NAGS: variants seen among roughly 807,000 people sequenced by gnomAD.
NAGS encodes N-acetylglutamate synthase, also known as N-acetylglutamate synthase, mitochondrial.
Under a neutral mutation model 46.9 loss-of-function variants are expected in NAGS, and 34 were observed. The ratio of observed to expected loss-of-function variants is 0.72; its 90% CI spans 0.55 to 0.97. NAGS has a LOEUF of 0.97. NAGS is among the 50% of genes least tolerant of loss of function. The pLI is 0.00. For synonymous variants in NAGS, 334 were observed against 346.3 expected (o/e 0.96, Z 0.39); for missense variants, 665 against 747.0 (o/e 0.89, Z 1.28).
chr17:44,007,871 C>G lies in NAGS; in HGVS notation c.1451+98C>G. 8.0e-7 allele frequency: 1 copy of G among 1,250,094 alleles called. No homozygotes were observed. Among genetic ancestry groups the G allele is most frequent in the East Asian group, 2.5e-5 (1 of 39,490 alleles). The allele number at this position is 1,250,094 out of a possible 1,614,324, so 77.4% of individuals were successfully genotyped here. On this transcript the variant is annotated intron_variant, in intron 6 of 6. Coordinates refer to ENST00000293404, the MANE Select transcript of NAGS (RefSeq NM_153006.3). The surrounding 1 kb of genome is among the most constrained non-coding windows in gnomAD (Gnocchi z 5.1). ...CAAGAAGGCTGGGCTTCCTCTTCTT[C>G]CACTGGTCTCCCTTTCACTACCTCC...
rs1159355943 is a variant in NAGS, at chr17:44,006,801, CT to C, written c.1096+93del. 1 of 1,369,784 alleles carries C rather than the reference CT, an allele frequency of 7.3e-7. No individual in the cohort carries two copies. Among genetic ancestry groups the C allele is most frequent in the Non-Finnish European group, 9.9e-7 (1 of 1,013,128 alleles). The allele number at this position is 1,369,784 out of a possible 1,614,324, so 84.9% of individuals were successfully genotyped here. A position where few individuals can be genotyped will look rare whatever the true frequency, so the allele number is the denominator to read the frequency against. On this transcript the variant is annotated intron_variant, in intron 4 of 6. Transcript: ENST00000293404. This position sits in a 1 kb window ranked among gnomAD's most constrained non-coding sequence, Gnocchi z 4.8. ...CGGTCAGGAGGAGCGGCTTCTCCTC[CT>C]GTCCAGGAGCCGTAGGGGGAGGCGG... is the stretch of plus-strand genomic sequence containing the variant.
In NAGS at chr17:44,007,331, A is replaced by G; in HGVS notation, c.1105A>G (p.Thr369Ala). The change falls in exon 5 of 7, where the codon ACC (threonine) becomes GCC (alanine). Residue 369 changes from threonine to alanine, a missense_variant. Coordinates refer to ENST00000293404, the MANE Select transcript of NAGS (RefSeq NM_153006.3). This position sits in a 1 kb window ranked among gnomAD's most constrained non-coding sequence, Gnocchi z 5.1. ...TELFSNKGSGTLFKNAERMLR... is the reference protein window; with the variant it reads ...TELFSNKGSGALFKNAERMLR... ...TCCCCATCCTCCTCCAGGGTCCGGG[A>G]CCCTGTTCAAGAACGCCGAGCGAAT... 6.2e-7 allele frequency: 1 copy of G among 1,613,592 alleles called. No individual in the cohort carries two copies. The highest frequency in any genetic ancestry group is 8.5e-7 in the Non-Finnish European group (1 of 1,179,826).
Position 44,006,947 on chromosome 17 carries a change from G to C in NAGS, c.1096+238G>C. ...TAAAGGAATGGGCGGGACTAGGGGG[G>C]AGAAGGAGGGGCCCCCCGGTGGGCG... On this transcript the variant is annotated intron_variant, in intron 4 of 6. Transcript: ENST00000293404. The surrounding 1 kb of genome is among the most constrained non-coding windows in gnomAD (Gnocchi z 4.8). 2.3e-6 allele frequency: 1 copy of C among 441,710 alleles called. No homozygotes were observed. 27.4% of individuals were successfully genotyped at this position (441,710 alleles called of 1,614,324 possible).
Position 44,004,992 on chromosome 17 carries a change from T to C in NAGS, c.329T>C (p.Leu110Pro). 1 of 1,547,944 alleles carries C rather than the reference T, an allele frequency of 6.5e-7. No homozygotes were observed. The highest frequency in any genetic ancestry group is 8.7e-7 in the Non-Finnish European group (1 of 1,152,632). Residue 110 changes from leucine to proline, a missense_variant, in exon 1 of 7, where the codon CTG becomes CCG. Leu to Pro is a moderately conservative substitution (Grantham distance 98). Coordinates refer to ENST00000293404, the MANE Select transcript of NAGS (RefSeq NM_153006.3). Reference protein sequence around the residue: ...SLVQRDIQAFLNQCGASPGEA... With the variant: ...SLVQRDIQAFPNQCGASPGEA... Reference sequence around the variant, plus strand: ...GTGCAGCGGGACATCCAGGCCTTCCTGAACCAGTGCGGGGCCAGCCCTGGG... The same window carrying C: ...GTGCAGCGGGACATCCAGGCCTTCCCGAACCAGTGCGGGGCCAGCCCTGGG...
chr17:44,005,411 C>T lies in NAGS; in HGVS notation c.427-226C>T, dbSNP rs542138782. ...CACTGCCCCTCCCCCAAAGATGTCC[C>T]GGAGTCCAAGGTCGGAGGGAGGAGG... On this transcript the variant is annotated intron_variant, in intron 1 of 6. Transcript: ENST00000293404. The surrounding 1 kb of genome is among the most constrained non-coding windows in gnomAD (Gnocchi z 7.2). Among the ~76,000 whole-genome samples the T allele has an allele frequency of 3.1e-4, 47 of 152,316 alleles. 1 individual carries two copies. The highest frequency in any genetic ancestry group is 1.1e-3 in the African/African-American group (46 of 41,568).
chr17:44,006,305 C>G lies in NAGS; in HGVS notation c.915+68C>G. 6.4e-7 allele frequency: 1 copy of G among 1,563,978 alleles called. No individual in the cohort carries two copies. The highest frequency in any genetic ancestry group is 8.7e-7 in the Non-Finnish European group (1 of 1,149,600). On this transcript the variant is annotated intron_variant, in intron 3 of 6. Transcript: ENST00000293404. This position sits in a 1 kb window ranked among gnomAD's most constrained non-coding sequence, Gnocchi z 4.8. ...GCCTTCTCTTGCGCCCCTCGCACTT[C>G]TCCCCGACGGGCCGCAGACTCACTA...
chr17:44,007,802 T>G lies in NAGS; in HGVS notation c.1451+29T>G. On this transcript the variant is annotated intron_variant, in intron 6 of 6. Coordinates refer to ENST00000293404, the MANE Select transcript of NAGS (RefSeq NM_153006.3). This position sits in a 1 kb window ranked among gnomAD's most constrained non-coding sequence, Gnocchi z 5.1. ...GGTCCTGCCACTCCCAGCTCTGGGC[T>G]GGGCCCTGACTTCCCTCCCCTCTCC... is the stretch of plus-strand genomic sequence containing the variant. 1 of 1,566,354 alleles carries G rather than the reference T, an allele frequency of 6.4e-7. No homozygotes were observed. Among genetic ancestry groups the G allele is most frequent in the Non-Finnish European group, 8.7e-7 (1 of 1,153,908 alleles).
chr17:44,005,022 C>T lies in NAGS; in HGVS notation c.359C>T (p.Ala120Val), dbSNP rs750049954. 1.3e-6 allele frequency: 2 copies of T among 1,563,732 alleles called. No individual in the cohort carries two copies. The highest frequency in any genetic ancestry group is 2.4e-5 in the East Asian group (1 of 42,530). ...CAGTGCGGGGCCAGCCCTGGGGAGGCGCGCCACTGGCTCACGCAGTTCCAG... is the reference window on the plus strand; with the variant it reads ...CAGTGCGGGGCCAGCCCTGGGGAGGTGCGCCACTGGCTCACGCAGTTCCAG... The part of the protein sequence containing the change: ...LNQCGASPGE[A>V]RHWLTQFQTC... The change falls in exon 1 of 7, where the codon GCG (alanine) becomes GTG (valine). Residue 120 changes from alanine to valine, a missense_variant. Coordinates refer to ENST00000293404, the MANE Select transcript of NAGS (RefSeq NM_153006.3). This position sits in a 1 kb window ranked among gnomAD's most constrained non-coding sequence, Gnocchi z 7.2.
chr17:44,006,930 T>C lies in NAGS; in HGVS notation c.1096+221T>C, dbSNP rs1305586156. 9.0e-6 allele frequency: 2 copies of C among 222,106 alleles called. No homozygotes were observed. Among genetic ancestry groups the C allele is most frequent in the Non-Finnish European group, 8.3e-6 (1 of 120,054 alleles). 13.8% of individuals were successfully genotyped at this position (222,106 alleles called of 1,614,324 possible). ...GGGAACTCCGAAGGAATTAAAGGAA[T>C]GGGCGGGACTAGGGGGGAGAAGGAG... On this transcript the variant is annotated intron_variant, in intron 4 of 6. Coordinates refer to ENST00000293404, the MANE Select transcript of NAGS (RefSeq NM_153006.3). This position sits in a 1 kb window ranked among gnomAD's most constrained non-coding sequence, Gnocchi z 4.8.
Position 44,006,267 on chromosome 17 carries a change from G to A in NAGS, c.915+30G>A. On this transcript the variant is annotated intron_variant, in intron 3 of 6. Coordinates refer to ENST00000293404, the MANE Select transcript of NAGS (RefSeq NM_153006.3). This position sits in a 1 kb window ranked among gnomAD's most constrained non-coding sequence, Gnocchi z 4.8. ...GGCCCTTTCTTTCACCTTCCCCCACGCCGGCGATCCGGGCCTTCTCTTGCG... is the reference window on the plus strand; with the variant it reads ...GGCCCTTTCTTTCACCTTCCCCCACACCGGCGATCCGGGCCTTCTCTTGCG... 1.2e-6 allele frequency: 2 copies of A among 1,608,394 alleles called. No homozygotes were observed. The highest frequency in any genetic ancestry group is 1.7e-4 in the Middle Eastern group (1 of 6,028).
Position 44,007,327 on chromosome 17 carries a change from C to A in NAGS, c.1101C>A (p.Ser367=). 1.2e-6 allele frequency: 2 copies of A among 1,613,262 alleles called. No homozygotes were observed. Among genetic ancestry groups the A allele is most frequent in the South Asian group, 2.2e-5 (2 of 90,998 alleles). ...LLTELFSNKG[S]GTLFKNAERM... ...CCCCTCCCCATCCTCCTCCAGGGTC[C>A]GGGACCCTGTTCAAGAACGCCGAGC... The change falls in exon 5 of 7, where the codon TCC becomes TCA. Residue 367 remains serine, a synonymous_variant. Coordinates refer to ENST00000293404, the MANE Select transcript of NAGS (RefSeq NM_153006.3). The surrounding 1 kb of genome is among the most constrained non-coding windows in gnomAD (Gnocchi z 5.1).
chr17:44,007,857 G>T lies in NAGS; in HGVS notation c.1451+84G>T. Reference sequence around the variant, plus strand: ...CTTGCCAACCATGCCAAGAAGGCTGGGCTTCCTCTTCTTCCACTGGTCTCC... The same window carrying T: ...CTTGCCAACCATGCCAAGAAGGCTGTGCTTCCTCTTCTTCCACTGGTCTCC... On this transcript the variant is annotated intron_variant, in intron 6 of 6. Transcript: ENST00000293404. The surrounding 1 kb of genome is among the most constrained non-coding windows in gnomAD (Gnocchi z 5.1). 7.1e-7 allele frequency: 1 copy of T among 1,407,638 alleles called. No homozygotes were observed. The highest frequency in any genetic ancestry group is 9.8e-7 in the Non-Finnish European group (1 of 1,017,176). 87.2% of individuals were successfully genotyped at this position (1,407,638 alleles called of 1,614,324 possible). A position where few individuals can be genotyped will look rare whatever the true frequency, so the allele number is the denominator to read the frequency against.
rs2049064323 is a variant in NAGS at position 44,004,906 on chromosome 17, G to A, written c.243G>A (p.Val81=). The stretch of plus-strand genomic sequence containing the variant: ...CCGTCGCCGAGGAGCCGTCGTGGGT[G>A]CCGAGTCCCAGGCCCCCGGTGCCCC... ...QSPVAEEPSW[V]PSPRPPVPHE... Residue 81 remains valine, a synonymous_variant, in exon 1 of 7, where the codon GTG becomes GTA. Transcript: ENST00000293404. 1 of 1,534,324 alleles carries A rather than the reference G, an allele frequency of 6.5e-7. No individual in the cohort carries two copies. The highest frequency in any genetic ancestry group is 8.7e-7 in the Non-Finnish European group (1 of 1,146,220).
Position 44,005,095 on chromosome 17 carries a change from C to A in NAGS, c.426+6C>A. ...AGCCCTTCGCCGTCATCGAGGTGAGCGGAGCCCGGCGTGGGCCGTGACGCA... is the reference window on the plus strand; with the variant it reads ...AGCCCTTCGCCGTCATCGAGGTGAGAGGAGCCCGGCGTGGGCCGTGACGCA... On this transcript the variant is annotated splice_donor_region_variant and intron_variant, in intron 1 of 6. Transcript: ENST00000293404. This position sits in a 1 kb window ranked among gnomAD's most constrained non-coding sequence, Gnocchi z 7.2. 1 of 1,564,010 alleles carries A rather than the reference C, an allele frequency of 6.4e-7. No homozygotes were observed. Among genetic ancestry groups the A allele is most frequent in the South Asian group, 1.2e-5 (1 of 86,282 alleles).
In NAGS at chr17:44,006,325, T is replaced by G; in HGVS notation, c.915+88T>G. On this transcript the variant is annotated intron_variant, in intron 3 of 6. Transcript: ENST00000293404. This position sits in a 1 kb window ranked among gnomAD's most constrained non-coding sequence, Gnocchi z 4.8. ...CACTTCTCCCCGACGGGCCGCAGACTCACTAGCAAGCCGGGTGGGTAGAAA... is the reference window on the plus strand; with the variant it reads ...CACTTCTCCCCGACGGGCCGCAGACGCACTAGCAAGCCGGGTGGGTAGAAA... 3 of 1,527,938 alleles carry G rather than the reference T, an allele frequency of 2.0e-6. No homozygotes were observed. Among genetic ancestry groups the G allele is most frequent in the Non-Finnish European group, 2.7e-6 (3 of 1,122,722 alleles). The allele number at this position is 1,527,938 out of a possible 1,614,324, so 94.6% of individuals were successfully genotyped here.
rs1337526774 is a variant in NAGS, at chr17:44,007,334, C to T, written c.1108C>T (p.Leu370=). 1 of 1,613,822 alleles carries T rather than the reference C, an allele frequency of 6.2e-7. No individual in the cohort carries two copies. The highest frequency in any genetic ancestry group is 1.7e-5 in the Admixed American group (1 of 60,006). The part of the protein sequence containing the change: ...ELFSNKGSGT[L]FKNAERMLRV... ...CCATCCTCCTCCAGGGTCCGGGACC[C>T]TGTTCAAGAACGCCGAGCGAATGCT... The change falls in exon 5 of 7, where the codon CTG becomes TTG. Residue 370 remains leucine (L), a synonymous_variant. Transcript: ENST00000293404. This position sits in a 1 kb window ranked among gnomAD's most constrained non-coding sequence, Gnocchi z 5.1.
rs2049110865 is a variant in NAGS at position 44,007,557 on chromosome 17, G to A, written c.1269-34G>A. ...CAGTCGGGCAGCTTCGGACCAAGGA[G>A]AGGTCCCAGCCTGCCGCTCTCCCGC... is the stretch of plus-strand genomic sequence containing the variant. On this transcript the variant is annotated intron_variant, in intron 5 of 6. Coordinates refer to ENST00000293404, the MANE Select transcript of NAGS (RefSeq NM_153006.3). This position sits in a 1 kb window ranked among gnomAD's most constrained non-coding sequence, Gnocchi z 5.1. 3 of 1,611,908 alleles carry A rather than the reference G, an allele frequency of 1.9e-6. No individual in the cohort carries two copies. The highest frequency in any genetic ancestry group is 2.5e-6 in the Non-Finnish European group (3 of 1,179,360).
At position 44,008,759 on chromosome 17, in the gene NAGS, C is replaced by A; in HGVS notation, c.*158C>A. 3 of 960,714 alleles carry A rather than the reference C, an allele frequency of 3.1e-6. No individual in the cohort carries two copies. The highest frequency in any genetic ancestry group is 4.9e-6 in the Non-Finnish European group (3 of 618,284). The allele number at this position is 960,714 out of a possible 1,614,324, so 59.5% of individuals were successfully genotyped here. ...CAGCCCCAGCTCTGCCCAGAGGAGG[C>A]GCTGAAGTGGGACAAGCACAGGAAA... On this transcript the variant is annotated 3_prime_UTR_variant, in exon 7 of 7. Transcript: ENST00000293404.
chr17:44,005,850 G>A lies in NAGS; in HGVS notation c.640G>A (p.Ala214Thr). 1 of 1,562,490 alleles carries A rather than the reference G, an allele frequency of 6.4e-7. No individual in the cohort carries two copies. The highest frequency in any genetic ancestry group is 1.2e-5 in the South Asian group (1 of 85,154). ...CGCGCTTCGACACAACGCCGCCGCT[G>A]CTGTGCCATTTTTTGGCGGCGGGTC... is the stretch of plus-strand genomic sequence containing the variant. The part of the protein sequence containing the change: ...VDALRHNAAA[A>T]VPFFGGGSVL... The change falls in exon 2 of 7, where the codon GCT (alanine) becomes ACT (threonine). Residue 214 changes from alanine to threonine, a missense_variant. Ala to Thr is a moderately conservative substitution (Grantham distance 58). Transcript: ENST00000293404. The surrounding 1 kb of genome is among the most constrained non-coding windows in gnomAD (Gnocchi z 7.2).
Sources: gnomAD v4.1 joint callset for allele counts (sites outside exome capture counted in the v4.1 genomes callset) on GRCh38, gnomAD v4.1.1 for gene constraint, Gnocchi (gnomAD v3.1) non-coding constraint, MANE v1.5 for transcripts, NCBI Gene and HGNC (gene_info 2026-07-23, HGNC 2026-07-21) for gene names.